The following ESR2 variants were observed in gnomAD, a reference collection of about 807,000 sequenced individuals.
ESR2 encodes the protein estrogen receptor 2.
ESR2 carries 36 observed loss-of-function variants against 49.6 expected under a neutral mutation model. The observed-to-expected ratio is 0.73, with a 90% CI of 0.56 to 0.96. The LOEUF (loss-of-function observed/expected upper bound fraction) is 0.96. ESR2 is among the 40% of genes least tolerant of loss of function. The pLI, the probability that ESR2 is intolerant of heterozygous loss-of-function variation, is 0.00. For missense variants in ESR2, 714 were observed against 693.0 expected, an observed-to-expected ratio of 1.03 and a Z score of -0.34; for synonymous variants, 320 against 266.1, an observed-to-expected ratio of 1.20 and a Z score of -1.97.
At chr14:64,336,823 A>T (rs2077537151) in intron 1 of ESR2, 2 of 151,766 alleles carry the variant, frequency 1.3e-5, no homozygotes, top group Admixed American at 1.3e-4. Flanking sequence ...GTAAATCACA[A>T]CTCTATTTTT....
chr14:64,260,364 C>T (rs1337389413), intron 5 of ESR2, 85 bp downstream of exon 5: 8 of 1,290,646 alleles, frequency 6.2e-6, no homozygotes, highest in Non-Finnish European at 6.6e-6. Context: ...AGCTCATGGA[C>T]CTCTACTTTG....
chr14:64,330,640 A>C (rs953273955), intron 1 of ESR2: 5 of 152,218 alleles, frequency 3.3e-5, no homozygotes, highest in African/African-American at 1.2e-4. Flanking sequence ...CACCCAAATT[A>C]TGAAAGGTAA....
intron 1 of ESR2, among the ~76,000 whole-genome samples, chr14:64,318,537 C>CAAAAAAA (rs58597271): frequency 0.011 from 348 of 32,420 alleles, 16 homozygotes; most frequent in Non-Finnish European, 0.012. Context: ...AACTCCATCT[C>CAAAAAAA]AAAAAAAAAA....
At chr14:64,268,731 G>T in intron 4 of ESR2, 64 bp downstream of exon 4, 1 of 918,064 alleles carries the variant, frequency 1.1e-6, no homozygotes, top group Non-Finnish European at 1.8e-6. Context: ...CCTGTCCCCA[G>T]TTCCTCAGAG....
chr14:64,244,034 C>A (rs2075797482), intron 7 of ESR2, among the ~76,000 whole-genome samples: 1 of 152,032 alleles, frequency 6.6e-6, no homozygotes, highest in Non-Finnish European at 1.5e-5. Flanking sequence ...AAAGGGATAC[C>A]CAGATAGCAG....
chr14:64,333,086 C>G (rs1180391136), intron 1 of ESR2, among the ~76,000 whole-genome samples: 2 of 151,714 alleles, frequency 1.3e-5, no homozygotes, highest in African/African-American at 4.8e-5. Flanking sequence ...ACCGTGTTAG[C>G]CAGGTTGGTC....
At chr14:64,235,571 G>A (rs1461433988) in intron 7 of ESR2, among the ~76,000 whole-genome samples, 2 of 152,222 alleles carry the variant, frequency 1.3e-5, no homozygotes, top group Non-Finnish European at 2.9e-5. Context: ...CAAAGGAATG[G>A]CCAATGTGAT....
At chr14:64,315,802 G>A (rs760232252) in intron 1 of ESR2, among the ~76,000 whole-genome samples, 10 of 151,850 alleles carry the variant, frequency 6.6e-5, no homozygotes, top group East Asian at 5.8e-4. Flanking sequence ...CTACAGGTGC[G>A]TGCCACCACG....
chr14:64,233,225 C>T lies in ESR2; in HGVS notation c.1505G>A (p.Gly502Glu), dbSNP rs1477969709. The T allele has an allele frequency of 1.2e-6, 2 of 1,614,172 alleles. No homozygotes were observed. The highest frequency in any genetic ancestry group is 1.3e-5 in the African/African-American group (1 of 75,040). ...LEMLNAHVLRGCKSSITGSEC... is the reference protein window; with the variant it reads ...LEMLNAHVLRECKSSITGSEC... ...GGACCCCGTGATGGAGGACTTGCAC[C>T]CGCGAAGCACGTGGGCATTCAGCAT... The change falls in exon 9 of 9, where the codon GGG becomes GAG. Residue 502 changes from glycine to glutamate, a missense_variant. Transcript: ENST00000341099.
rs141754037 is a variant in ESR2 at position 64,237,165 on chromosome 14, C to T, written c.1226-2015G>A. Among the ~76,000 whole-genome samples, 1,001 of 152,060 alleles carry T rather than the reference C, an allele frequency of 6.6e-3. 7 individuals are homozygous for T. Among genetic ancestry groups the T allele is most frequent in the South Asian group, 0.012 (59 of 4,810 alleles). ...TCAGTAGAGACAGTGTTTCACCATG[C>T]TGGCCAGGCTGGTCTCAAACTCCTG... On this transcript the variant is annotated intron_variant, in intron 7 of 8. Coordinates refer to ENST00000341099, the MANE Select transcript of ESR2 (RefSeq NM_001437.3).
chr14:64,264,861 A>T (rs1220300967), intron 4 of ESR2, among the ~76,000 whole-genome samples: 1 of 143,030 alleles, frequency 7.0e-6, no homozygotes, highest in Non-Finnish European at 1.5e-5. Flanking sequence ...GCTGCAGCAG[A>T]GTGATACCCT....
chr14:64,260,525 G>A lies in ESR2; in HGVS notation c.876C>T (p.Ala292=). ...ACTTGGTCAGGGACATCATCATGGA[G>A]GCCTCGGTGAAGGGCGCACTGGGGC... ...ISRPSAPFTE[A]SMMMSLTKLA... Residue 292 remains alanine (A), a synonymous_variant, in exon 5 of 9, where the codon GCC becomes GCT. Transcript: ENST00000341099. 1 of 1,558,452 alleles carries A rather than the reference G, an allele frequency of 6.4e-7. No individual in the cohort carries two copies. Among genetic ancestry groups the A allele is most frequent in the Non-Finnish European group, 8.7e-7 (1 of 1,152,012 alleles).
intron 1 of ESR2, among the ~76,000 whole-genome samples, chr14:64,322,640 G>T (rs1372562181): frequency 1.3e-5 from 2 of 151,636 alleles, no homozygotes; most frequent in African/African-American, 2.4e-5. Context: ...AAAAAAGAAT[G>T]ACAGCATTCA....
At chr14:64,317,252 G>A (rs1214295221) in intron 1 of ESR2, among the ~76,000 whole-genome samples, 4 of 152,336 alleles carry the variant, frequency 2.6e-5, no homozygotes, top group Non-Finnish European at 5.9e-5. Flanking sequence ...GCGACAGAGT[G>A]AGACCCTATC....
chr14:64,261,280 T>C (rs2076219738), intron 4 of ESR2, among the ~76,000 whole-genome samples: 1 of 128,192 alleles, frequency 7.8e-6, no homozygotes, highest in East Asian at 2.3e-4. Context: ...CTCTGTGGCC[T>C]AGACTGGAGT....
chr14:64,268,883 T>G lies in ESR2; in HGVS notation c.564A>C (p.Thr188=). 2.5e-6 allele frequency: 4 copies of G among 1,612,302 alleles called. No homozygotes were observed. Among genetic ancestry groups the G allele is most frequent in the Non-Finnish European group, 3.4e-6 (4 of 1,178,356 alleles). Residue 188 remains threonine (T), a synonymous_variant, in exon 4 of 9, where the codon ACA becomes ACC. Coordinates refer to ENST00000341099, the MANE Select transcript of ESR2 (RefSeq NM_001437.3). ...QGHNDYICPA[T]NQCTIDKNRR... is the part of the protein sequence containing the mutation. ...GGTTTTTATCGATTGTACACTGATT[T>G]GTAGCTGGACAAATATAATCATTAT...
chr14:64,249,526 C>G lies in ESR2; in HGVS notation c.1225+20G>C. On this transcript the variant is annotated intron_variant, in intron 7 of 8. Coordinates refer to ENST00000341099, the MANE Select transcript of ESR2 (RefSeq NM_001437.3). ...GCATCTCTCCCCGATAAAACATGGC[C>G]CAGCTGTGTGATTACTTACTGGAAT... 6.2e-7 allele frequency: 1 copy of G among 1,611,814 alleles called. No homozygotes were observed. The highest frequency in any genetic ancestry group is 8.5e-7 in the Non-Finnish European group (1 of 1,179,166).
chr14:64,331,115 C>G (rs549609717), intron 1 of ESR2, among the ~76,000 whole-genome samples: 2 of 152,150 alleles, frequency 1.3e-5, no homozygotes, highest in Admixed American at 1.3e-4. Context: ...AAAAACAAAA[C>G]TATATGCTGT....
chr14:64,267,610 C>G (rs574372011), intron 4 of ESR2, among the ~76,000 whole-genome samples: 5 of 151,984 alleles, frequency 3.3e-5, no homozygotes, highest in Non-Finnish European at 5.9e-5. Flanking sequence ...GGTACAGTGG[C>G]TCACACCTGT....
Sources: allele counts gnomAD v4.1 joint callset (sites outside exome capture counted in the v4.1 genomes callset), GRCh38; gene constraint gnomAD v4.1.1; transcripts MANE v1.5; gene names NCBI Gene and HGNC (gene_info 2026-07-23, HGNC 2026-07-21).